The following ASTN1 variants were observed in gnomAD, a reference collection of about 807,000 sequenced individuals.
ASTN1 encodes the protein astrotactin 1.
ASTN1 carries 41 observed loss-of-function variants against 140.7 expected under a neutral mutation model. The observed-to-expected ratio is 0.29, with a 90% CI of 0.23 to 0.38. The LOEUF (loss-of-function observed/expected upper bound fraction) is 0.38, where lower values mean the gene tolerates loss of function less well. Among genes scored for constraint, ASTN1 ranks in the 10% least tolerant of loss-of-function variants. The pLI, the probability that ASTN1 is intolerant of heterozygous loss-of-function variation, is 1.00. For synonymous variants in ASTN1, 640 were observed against 652.2 expected (o/e 0.98, Z 0.29); for missense variants, 1,479 against 1,678.8 (o/e 0.88, Z 2.08).
chr1:177,103,662 C>T (rs1268318509), intron 1 of ASTN1, among the ~76,000 whole-genome samples: 3 of 152,110 alleles, frequency 2.0e-5, no homozygotes, highest in South Asian at 2.1e-4. Context: ...TTCTCTAAGG[C>T]TTCCATCTGG....
Position 176,888,125 on chromosome 1 carries a change from G to C in ASTN1, c.3020C>G (p.Ser1007Cys). Residue 1007 changes from serine to cysteine, a missense_variant, in exon 18 of 23, where the codon TCC becomes TGC. Around this residue, in one of 3 missense-constraint regions of ASTN1, gnomAD observed 746 missense variants for 800.9 expected, o/e 0.93. Transcript: ENST00000361833. Reference protein sequence around the residue: ...DVIEDWCRCDSTAFGADGLPT... With the variant: ...DVIEDWCRCDCTAFGADGLPT... ...GAGTCCATCAGCTCCAAAAGCAGTG[G>C]AGTCACATCGACACCAGTCCTCGAT... 1 of 1,614,154 alleles carries C rather than the reference G, an allele frequency of 6.2e-7. No individual in the cohort carries two copies. The highest frequency in any genetic ancestry group is 8.5e-7 in the Non-Finnish European group (1 of 1,180,032).
At chr1:176,902,428 A>G (rs1320818519) in intron 16 of ASTN1, among the ~76,000 whole-genome samples, 2 of 137,532 alleles carry the variant, frequency 1.5e-5, no homozygotes, top group African/African-American at 5.6e-5. Flanking sequence ...TTGATCGATA[A>G]CATACGGTGG....
rs572844055 is a variant in ASTN1 at position 177,069,355 on chromosome 1, G to A, written c.284-8090C>T. Among the ~76,000 whole-genome samples, 81 of 152,250 alleles carry A rather than the reference G, an allele frequency of 5.3e-4. No individual in the cohort carries two copies. In the Middle Eastern group the frequency reaches 0.017, roughly 32 times the overall value. On this transcript the variant is annotated intron_variant, in intron 1 of 22. Transcript: ENST00000361833. The stretch of plus-strand genomic sequence containing the variant: ...AAAATCTGCAATGTTAACTTCTTTT[G>A]AAGCTGCCCATCCACCCGCTTCTCC...
At chr1:177,003,857 A>G (rs994571683) in intron 8 of ASTN1, among the ~76,000 whole-genome samples, 2 of 151,980 alleles carry the variant, frequency 1.3e-5, no homozygotes, top group African/African-American at 4.8e-5. Flanking sequence ...GAAAACCCAC[A>G]ACCAACATCA....
rs1347234011 is a variant in ASTN1, at chr1:176,990,688, C to T, written c.1523+24103G>A. Among the ~76,000 whole-genome samples the T allele has an allele frequency of 4.6e-5, 7 of 151,986 alleles. No individual in the cohort carries two copies. The South Asian group carries it at 1.0e-3, about 23-fold the overall frequency. On this transcript the variant is annotated intron_variant, in intron 8 of 22. Transcript: ENST00000361833. ...TCACAAATAGGAGAACCTAGGTAATCCCCCCAGAGACTGGCGTAGTCTCCC... is the reference window on the plus strand; with the variant it reads ...TCACAAATAGGAGAACCTAGGTAATTCCCCCAGAGACTGGCGTAGTCTCCC...
chr1:176,970,429 C>G (rs142309622), intron 8 of ASTN1, among the ~76,000 whole-genome samples: 1 of 152,286 alleles, frequency 6.6e-6, no homozygotes, highest in Non-Finnish European at 1.5e-5. Flanking sequence ...TGATTAAGTG[C>G]TAGTCCCAGC....
chr1:176,895,430 G>C (rs1043711317), intron 16 of ASTN1, among the ~76,000 whole-genome samples: 3 of 152,214 alleles, frequency 2.0e-5, no homozygotes, highest in Non-Finnish European at 4.4e-5. Flanking sequence ...ATGAGGCCAA[G>C]AGCTTCAAGG....
chr1:177,077,012 G>A (rs1678945946), intron 1 of ASTN1, among the ~76,000 whole-genome samples: 1 of 152,080 alleles, frequency 6.6e-6, no homozygotes, highest in South Asian at 2.1e-4. Context: ...CAGTTTTCCT[G>A]GAATTGAGGC....
rs778080499 is a variant in ASTN1, at chr1:177,032,466, G to A, written c.855C>T (p.Asp285=). 2.5e-6 allele frequency: 4 copies of A among 1,613,570 alleles called. No homozygotes were observed. Among genetic ancestry groups the A allele is most frequent in the Non-Finnish European group, 3.4e-6 (4 of 1,179,800 alleles). The change falls in exon 3 of 23, where the codon GAC becomes GAT. Residue 285 remains aspartate, a synonymous_variant. Transcript: ENST00000361833. The part of the protein sequence containing the change: ...LQGCNEKSGM[D]LTPGSDNAKL... Reference sequence around the variant, plus strand: ...TTCTCCCATCCCCACCTGGTGTGAGGTCCATCCCCGACTTTTCATTGCAGC... The same window carrying A: ...TTCTCCCATCCCCACCTGGTGTGAGATCCATCCCCGACTTTTCATTGCAGC...
chr1:177,007,254 G>A (rs114743531), intron 8 of ASTN1, among the ~76,000 whole-genome samples: 119 of 152,220 alleles, frequency 7.8e-4, no homozygotes, highest in African/African-American at 2.6e-3. Context: ...TGAGCCGGGC[G>A]TGATGGCACA....
intron 22 of ASTN1, among the ~76,000 whole-genome samples, chr1:176,865,588 T>G (rs1668102920): frequency 6.6e-6 from 1 of 152,184 alleles, no homozygotes. Context: ...GTCTTGTGAC[T>G]TGGAAAACTC....
intron 11 of ASTN1, among the ~76,000 whole-genome samples, chr1:176,956,795 T>G (rs1401775732): frequency 2.6e-5 from 4 of 152,266 alleles, no homozygotes; most frequent in Non-Finnish European, 5.9e-5. Flanking sequence ...AGGCTTCATC[T>G]GCTCCTGCCT....
At chr1:176,893,700 G>A (rs143748603) in intron 17 of ASTN1, among the ~76,000 whole-genome samples, 91 of 152,276 alleles carry the variant, frequency 6.0e-4, no homozygotes, top group Non-Finnish European at 1.0e-3. Flanking sequence ...TCACTGCTGC[G>A]ACTCCTGCTG....
intron 17 of ASTN1, among the ~76,000 whole-genome samples, chr1:176,888,711 G>T (rs971397563): frequency 6.6e-6 from 1 of 152,130 alleles, no homozygotes. Context: ...GCCTTGGGTT[G>T]TGACTTGGCA....
intron 1 of ASTN1, among the ~76,000 whole-genome samples, chr1:177,150,410 A>T (rs1376388542): frequency 6.6e-6 from 1 of 152,154 alleles, no homozygotes; most frequent in Admixed American, 6.5e-5. Flanking sequence ...AAATTGATCT[A>T]CCTCTGGACA....
At chr1:176,967,961 G>A (rs192120359) in intron 8 of ASTN1, among the ~76,000 whole-genome samples, 82 of 151,266 alleles carry the variant, frequency 5.4e-4, no homozygotes, top group Non-Finnish European at 9.7e-4. Context: ...ATCACATTTA[G>A]AGGCAGGAGT....
chr1:176,868,078 T>C (rs1182885950), intron 22 of ASTN1, among the ~76,000 whole-genome samples: 1 of 152,166 alleles, frequency 6.6e-6, no homozygotes, highest in African/African-American at 2.4e-5. Context: ...ACCTAAATAA[T>C]TTGGGGACAT....
At chr1:176,957,988 C>T (rs1310811490) in intron 10 of ASTN1, among the ~76,000 whole-genome samples, 160 bp from the exon 11 acceptor site, 1 of 152,182 alleles carries the variant, frequency 6.6e-6, no homozygotes, top group Non-Finnish European at 1.5e-5. Flanking sequence ...AACTAACAAA[C>T]GATGGGCATT....
intron 2 of ASTN1, among the ~76,000 whole-genome samples, chr1:177,048,229 C>T (rs906170539): frequency 6.6e-6 from 1 of 152,168 alleles, no homozygotes; most frequent in Non-Finnish European, 1.5e-5. Context: ...TCCAGTACCT[C>T]GGACGAGCCT....
Sources: allele counts gnomAD v4.1 joint callset (sites outside exome capture counted in the v4.1 genomes callset), GRCh38; gene constraint gnomAD v4.1.1; regional missense constraint gnomAD v4.1.1; transcripts MANE v1.5; gene names NCBI Gene and HGNC (gene_info 2026-07-23, HGNC 2026-07-21).